The following KCNMA1 variants were observed in gnomAD, a reference collection of about 807,000 sequenced individuals.
The protein encoded by KCNMA1 is Calcium-activated potassium channel subunit alpha-1.
A neutral mutation model predicts 140.0 loss-of-function variants in KCNMA1; 29 were observed. The observed-to-expected ratio is 0.21, with a 90% CI of 0.15 to 0.28. The LOEUF is 0.28. Ranked by LOEUF, KCNMA1 falls within the 10% of genes least tolerant of loss-of-function variation. The probability of loss-of-function intolerance (pLI) is 1.00; values close to 1 mark genes in which losing one functional copy is unlikely to be tolerated. For missense variants in KCNMA1, 880 were observed against 1,602.2 expected, an observed-to-expected ratio of 0.55 and a Z score of 7.70; for synonymous variants, 612 against 611.9, an observed-to-expected ratio of 1.00 and a Z score of 0.00.
intron 19 of KCNMA1, among the ~76,000 whole-genome samples, chr10:76,986,861 G>A (rs2081397755): frequency 6.6e-6 from 1 of 152,172 alleles, no homozygotes; most frequent in Non-Finnish European, 1.5e-5. Context: ...ATCCACTACA[G>A]AGCCCACCAT....
intron 1 of KCNMA1, among the ~76,000 whole-genome samples, chr10:77,527,933 C>A (rs2056390869): frequency 6.6e-6 from 1 of 152,164 alleles, no homozygotes; most frequent in Admixed American, 6.5e-5. Flanking sequence ...GGACTCCTGT[C>A]TCTGAGGCAC....
chr10:76,904,045 C>T (rs2046749304), intron 25 of KCNMA1: 1 of 152,094 alleles, frequency 6.6e-6, no homozygotes, highest in African/African-American at 2.4e-5. Flanking sequence ...TGCATATATA[C>T]CAAAAAAATC....
chr10:77,548,870 T>C (rs939664697), intron 1 of KCNMA1, among the ~76,000 whole-genome samples: 1 of 152,220 alleles, frequency 6.6e-6, no homozygotes, highest in African/African-American at 2.4e-5. Context: ...ACTTGGGATA[T>C]AGTGGCAATC....
At chr10:77,046,713 A>T (rs542925667) in intron 14 of KCNMA1, among the ~76,000 whole-genome samples, 5 of 152,338 alleles carry the variant, frequency 3.3e-5, no homozygotes, top group African/African-American at 9.6e-5. Context: ...ATCAAAGGGC[A>T]TGTGGTTATC....
chr10:77,615,595 C>A (rs926537282), intron 1 of KCNMA1, among the ~76,000 whole-genome samples: 3 of 152,192 alleles, frequency 2.0e-5, no homozygotes, highest in African/African-American at 7.2e-5. Flanking sequence ...TTAACCCTTT[C>A]AATGCCTGAC....
intron 3 of KCNMA1, among the ~76,000 whole-genome samples, chr10:77,246,331 T>C (rs2058536697): frequency 6.6e-6 from 1 of 152,192 alleles, no homozygotes; most frequent in African/African-American, 2.4e-5. Context: ...CCTAAGAAGT[T>C]GTTAGGGGAA....
intron 1 of KCNMA1, among the ~76,000 whole-genome samples, chr10:77,594,247 C>A (rs1372694437): frequency 6.6e-6 from 1 of 152,164 alleles, no homozygotes; most frequent in African/African-American, 2.4e-5. Context: ...TACTGTCACC[C>A]CTCACCATTC....
intron 1 of KCNMA1, among the ~76,000 whole-genome samples, chr10:77,457,872 GA>G (rs1175575290): frequency 1.3e-5 from 2 of 151,974 alleles, no homozygotes; most frequent in African/African-American, 2.4e-5. Flanking sequence ...TCCATTCCAG[GA>G]AAAAAAGTTA....
rs543221027 is a variant in KCNMA1 at position 77,485,954 on chromosome 10, G to A, written c.379-81931C>T. On this transcript the variant is annotated intron_variant, in intron 1 of 27. Coordinates refer to ENST00000286628, the MANE Select transcript of KCNMA1 (RefSeq NM_001161352.2). ...TCACCCTAGCTGTGGACCAGGTACC[G>A]GGCTCTGGGCAACTATAAGTGTTTA... Among the ~76,000 whole-genome samples, 41 of 152,146 alleles carry A rather than the reference G, an allele frequency of 2.7e-4. 1 individual carries two copies. The highest frequency in any genetic ancestry group is 6.8e-3 in the Middle Eastern group (2 of 294).
chr10:77,431,523 C>T (rs184867798), intron 1 of KCNMA1, among the ~76,000 whole-genome samples: 16 of 152,110 alleles, frequency 1.1e-4, no homozygotes, highest in Non-Finnish European at 1.8e-4. Context: ...CCTGGGGCCC[C>T]CTCTTGGTTT....
At chr10:77,388,341 C>G (rs2095690162) in intron 2 of KCNMA1, among the ~76,000 whole-genome samples, 1 of 152,202 alleles carries the variant, frequency 6.6e-6, no homozygotes, top group Non-Finnish European at 1.5e-5. Flanking sequence ...CCTGGTGGGG[C>G]TGGTGTCTCC....
intron 1 of KCNMA1, among the ~76,000 whole-genome samples, chr10:77,630,471 C>G (rs966651905): frequency 2.6e-5 from 4 of 152,174 alleles, no homozygotes; most frequent in Non-Finnish European, 5.9e-5. Flanking sequence ...GGAGCAGGCA[C>G]CTGGACCATC....
chr10:77,036,130 T>C (rs975979394), intron 15 of KCNMA1, among the ~76,000 whole-genome samples: 2 of 152,330 alleles, frequency 1.3e-5, no homozygotes, highest in East Asian at 3.9e-4. Flanking sequence ...TCTCCTGCGC[T>C]GGATGCTTCC....
chr10:77,108,555 G>A lies in KCNMA1; in HGVS notation c.1149C>T (p.Tyr383=), dbSNP rs200542728. The A allele has an allele frequency of 6.2e-6, 10 of 1,613,426 alleles. No homozygotes were observed. The Admixed American group carries it at 8.3e-5, about 13-fold the overall frequency. ...ILGGLAMFAS[Y]VPEIIELIGN... ...CTATTAACTCTATGATTTCAGGGAC[G>A]TAGCTGGCAAACATGGCCTGAGAAG... Residue 383 remains tyrosine (Y), a synonymous_variant, in exon 9 of 28, where the codon TAC becomes TAT. Transcript: ENST00000286628. The surrounding 1 kb of genome is among the most constrained non-coding windows in gnomAD (Gnocchi z 4.6).
At chr10:76,983,098 C>G (rs954013567) in intron 19 of KCNMA1, among the ~76,000 whole-genome samples, 1 of 152,208 alleles carries the variant, frequency 6.6e-6, no homozygotes, top group Non-Finnish European at 1.5e-5. Context: ...GGAAACCCGT[C>G]AGGGTTTGAC....
At chr10:77,273,113 A>G (rs2065636169) in intron 2 of KCNMA1, among the ~76,000 whole-genome samples, 1 of 152,210 alleles carries the variant, frequency 6.6e-6, no homozygotes. Flanking sequence ...TTTTGTAAAT[A>G]TCTTCTATAA....
At chr10:77,406,072 G>T (rs35806) in intron 1 of KCNMA1, among the ~76,000 whole-genome samples, 2 of 152,006 alleles carry the variant, frequency 1.3e-5, no homozygotes, top group Non-Finnish European at 1.5e-5. Context: ...GGCCCAGGAG[G>T]GGGAGGCCAC....
At chr10:77,034,469 G>A (rs943198744) in intron 15 of KCNMA1, among the ~76,000 whole-genome samples, 6 of 152,120 alleles carry the variant, frequency 3.9e-5, no homozygotes. Context: ...GCTTTCGCCG[G>A]GCGGTCTTAA....
intron 1 of KCNMA1, among the ~76,000 whole-genome samples, chr10:77,575,768 G>A (rs556211203): frequency 6.6e-6 from 1 of 152,344 alleles, no homozygotes; most frequent in South Asian, 2.1e-4. Flanking sequence ...ATCTCCCCAG[G>A]AGTTTCCAAC....
Sources: gnomAD v4.1 joint callset for allele counts (sites outside exome capture counted in the v4.1 genomes callset) on GRCh38, gnomAD v4.1.1 for gene constraint, Gnocchi (gnomAD v3.1) non-coding constraint, MANE v1.5 for transcripts, NCBI Gene and HGNC (gene_info 2026-07-23, HGNC 2026-07-21) for gene names.